CDH13: variants seen among roughly 807,000 people sequenced by gnomAD.
The protein encoded by CDH13 is cadherin-13.
A neutral mutation model predicts 63.8 loss-of-function variants in CDH13; 24 were observed. The ratio of observed to expected loss-of-function variants is 0.38; its 90% CI spans 0.27 to 0.53. The LOEUF is 0.53. CDH13 is among the 20% of genes least tolerant of loss of function. The pLI is 0.85. For missense variants in CDH13, 1,049 were observed against 903.1 expected (o/e 1.16, Z -2.07); for synonymous variants, 503 against 355.3 (o/e 1.42, Z -4.67).
Position 83,218,129 on chromosome 16 carries a change from T to C in CDH13, c.636+632T>C, listed in dbSNP as rs571875795. ...AGAAAAATCAGTGGGTTAATGGTTG[T>C]ATTTGGAAGTGATTGATTGATTGAT... On this transcript the variant is annotated intron_variant, in intron 5 of 13. Transcript: ENST00000567109. Among the ~76,000 whole-genome samples, 3 of 152,288 alleles carry C rather than the reference T, an allele frequency of 2.0e-5. No homozygotes were observed. In the South Asian group the frequency reaches 6.2e-4, roughly 32 times the overall value.
intron 1 of CDH13, among the ~76,000 whole-genome samples, chr16:82,690,090 C>T (rs1216774525): frequency 2.2e-5 from 3 of 137,138 alleles, no homozygotes; most frequent in Admixed American, 1.6e-4. Context: ...ATTGCTTGAA[C>T]CTGGGAGGCA....
intron 2 of CDH13, among the ~76,000 whole-genome samples, chr16:82,897,998 T>C (rs1440955976): frequency 6.6e-6 from 1 of 152,242 alleles, no homozygotes; most frequent in Non-Finnish European, 1.5e-5. Context: ...CGTGGAGCTA[T>C]TGAGCACTTG....
rs1192288855 is a variant in CDH13 at position 83,443,735 on chromosome 16, A to AATATAT, written c.782-42719_782-42714dup. ...AAAAAAAAAAAAAAAAAAAAAAAAA[A>AATATAT]ATATATATATATATATATATATATA... is the stretch of plus-strand genomic sequence containing the variant. On this transcript the variant is annotated intron_variant, in intron 6 of 13. Coordinates refer to ENST00000567109, the MANE Select transcript of CDH13 (RefSeq NM_001257.5). Among the ~76,000 whole-genome samples the AATATAT allele has an allele frequency of 4.7e-3, 94 of 20,094 alleles. 1 individual carries two copies. The highest frequency in any genetic ancestry group is 0.01 in the African/African-American group (90 of 8,662). 13.2% of individuals were successfully genotyped at this position (20,094 alleles called of 152,430 possible).
At chr16:83,255,757 A>G (rs187740129) in intron 5 of CDH13, among the ~76,000 whole-genome samples, 197 of 152,330 alleles carry the variant, frequency 1.3e-3, no homozygotes, top group Non-Finnish European at 2.3e-3. Context: ...GACTGGGTTC[A>G]CATCCCAACT....
intron 5 of CDH13, among the ~76,000 whole-genome samples, chr16:83,327,858 C>T (rs1001484920): frequency 1.9e-4 from 29 of 152,270 alleles, no homozygotes; most frequent in African/African-American, 6.5e-4. Context: ...GGTGGCTGGG[C>T]GCAGTGGCTT....
At chr16:83,101,296 G>A (rs2034466711) in intron 3 of CDH13, among the ~76,000 whole-genome samples, 1 of 150,056 alleles carries the variant, frequency 6.7e-6, no homozygotes, top group Non-Finnish European at 1.5e-5. Flanking sequence ...TACTTTATGT[G>A]TATTATATAT....
chr16:83,567,887 G>A (rs1455549597), intron 7 of CDH13, among the ~76,000 whole-genome samples: 7 of 152,150 alleles, frequency 4.6e-5, no homozygotes, highest in East Asian at 1.9e-4. Flanking sequence ...GAGCCACCAC[G>A]CCCGGCCTAG....
At chr16:83,666,339 A>G (rs1913947787) in intron 8 of CDH13, among the ~76,000 whole-genome samples, 1 of 152,250 alleles carries the variant, frequency 6.6e-6, no homozygotes, top group Non-Finnish European at 1.5e-5. Context: ...TGAGCTTCTA[A>G]ATGAATGCTC....
intron 3 of CDH13, among the ~76,000 whole-genome samples, chr16:83,084,511 A>G (rs1054238901): frequency 2.0e-5 from 3 of 152,230 alleles, no homozygotes; most frequent in Admixed American, 6.5e-5. Flanking sequence ...ATTATGGGGA[A>G]AAAATGTACT....
At position 83,216,255 on chromosome 16, in the gene CDH13, T is replaced by C. The variant is rs181301823; in HGVS notation, c.484-1090T>C. ...CAGTGTTGTATGTTGTATTGCAGTG[T>C]CTCTAGAGAATGGAAGATGTGGTTC... On this transcript the variant is annotated intron_variant, in intron 4 of 13. Transcript: ENST00000567109. Among the ~76,000 whole-genome samples the C allele has an allele frequency of 5.3e-4, 80 of 151,216 alleles. 2 individuals are homozygous for C. The highest frequency in any genetic ancestry group is 1.8e-3 in the African/African-American group (74 of 41,270).
chr16:83,080,799 A>T (rs541620359), intron 3 of CDH13, among the ~76,000 whole-genome samples: 1 of 151,630 alleles, frequency 6.6e-6, no homozygotes, highest in East Asian at 1.9e-4. Context: ...TCTTGGCAGA[A>T]AATTAGTGGG....
At chr16:83,477,840 T>A (rs1165343793) in intron 6 of CDH13, among the ~76,000 whole-genome samples, 1 of 152,172 alleles carries the variant, frequency 6.6e-6, no homozygotes, top group Non-Finnish European at 1.5e-5. Context: ...TTTTATTTTT[T>A]AAATTTGAAC....
chr16:83,444,046 T>G (rs965685964), intron 6 of CDH13, among the ~76,000 whole-genome samples: 4 of 150,848 alleles, frequency 2.7e-5, no homozygotes, highest in African/African-American at 9.7e-5. Context: ...GTGATGATGA[T>G]GGGCTGATGA....
In CDH13 at chr16:82,961,572, TAAA is replaced by T. The variant is rs71376305; in HGVS notation, c.158-70416_158-70414del. On this transcript the variant is annotated intron_variant, in intron 2 of 13. Coordinates refer to ENST00000567109, the MANE Select transcript of CDH13 (RefSeq NM_001257.5). ...TGTCCATAAGAATAAGCAGGGGACT[TAAA>T]AAAAAAAAAAAAAAAAAAAAACTAC... Among the ~76,000 whole-genome samples the T allele has an allele frequency of 4.2e-3, 431 of 103,382 alleles. 3 individuals are homozygous for T. Among genetic ancestry groups the T allele is most frequent in the African/African-American group, 0.016 (405 of 24,922 alleles). The allele number at this position is 103,382 out of a possible 152,430, so 67.8% of individuals were successfully genotyped here. A position where few individuals can be genotyped will look rare whatever the true frequency, so the allele number is the denominator to read the frequency against.
intron 5 of CDH13, among the ~76,000 whole-genome samples, chr16:83,343,945 T>A (rs1027069670): frequency 3.3e-5 from 5 of 152,334 alleles, no homozygotes; most frequent in Admixed American, 1.3e-4. Context: ...TTCCTAATAA[T>A]GAGTGTTTTT....
chr16:83,778,385 C>T (rs1915268061), intron 11 of CDH13, among the ~76,000 whole-genome samples: 1 of 152,090 alleles, frequency 6.6e-6, no homozygotes, highest in Non-Finnish European at 1.5e-5. Context: ...CAAAAATTAG[C>T]TGGACATTGT....
intron 1 of CDH13, among the ~76,000 whole-genome samples, chr16:82,766,055 A>G (rs1369700327): frequency 6.6e-6 from 1 of 152,230 alleles, no homozygotes. Context: ...TACTAAGCTT[A>G]AGAATTGAGG....
At chr16:83,780,287 C>T (rs1399338413) in intron 12 of CDH13, 86 bp downstream of exon 12, 3 of 805,442 alleles carry the variant, frequency 3.7e-6, no homozygotes, top group Non-Finnish European at 5.8e-6. Flanking sequence ...CTACTGTTCT[C>T]TCAAGTATTC....
Position 82,716,949 on chromosome 16 carries a change from C to G in CDH13, c.45+89812C>G, listed in dbSNP as rs1418384258. Among the ~76,000 whole-genome samples the G allele has an allele frequency of 3.9e-5, 6 of 152,022 alleles. No individual in the cohort carries two copies. The East Asian group carries it at 1.2e-3, about 30-fold the overall frequency. ...GTGTAGAGTTTGGTGTTAGAAGGGACAATTAGAGACTTAGAGATTCCTTCG... is the reference window on the plus strand; with the variant it reads ...GTGTAGAGTTTGGTGTTAGAAGGGAGAATTAGAGACTTAGAGATTCCTTCG... On this transcript the variant is annotated intron_variant, in intron 1 of 13. Coordinates refer to ENST00000567109, the MANE Select transcript of CDH13 (RefSeq NM_001257.5).
Sources: allele counts gnomAD v4.1 joint callset (sites outside exome capture counted in the v4.1 genomes callset), GRCh38; gene constraint gnomAD v4.1.1; transcripts MANE v1.5; gene names NCBI Gene and HGNC (gene_info 2026-07-23, HGNC 2026-07-21).